The following PRKN variants were observed in gnomAD, a reference collection of about 807,000 sequenced individuals.
PRKN encodes E3 ubiquitin-protein ligase parkin.
PRKN carries 56 observed loss-of-function variants against 59.5 expected under a neutral mutation model. The ratio of observed to expected loss-of-function variants is 0.94; its 90% CI spans 0.76 to 1.18. The LOEUF is 1.18. PRKN is among the 50% of genes most tolerant of loss of function. The pLI, the probability that PRKN is intolerant of heterozygous loss-of-function variation, is 0.00. For missense variants in PRKN, 657 were observed against 596.4 expected (o/e 1.10, Z -1.06); for synonymous variants, 250 against 222.1 (o/e 1.13, Z -1.12).
At position 162,695,815 on chromosome 6, in the gene PRKN, T is replaced by C. The variant is rs543742779; in HGVS notation, c.7+31847A>G. Among the ~76,000 whole-genome samples the C allele has an allele frequency of 3.3e-5, 5 of 152,276 alleles. No homozygotes were observed. The South Asian group carries it at 6.2e-4, about 19-fold the overall frequency. The stretch of plus-strand genomic sequence containing the variant: ...AACTTAAAGAATATTGAAATCATAT[T>C]TGGGAAAATAAAAAGTATCAATAGT... On this transcript the variant is annotated intron_variant, in intron 1 of 11. Coordinates refer to ENST00000366898, the MANE Select transcript of PRKN (RefSeq NM_004562.3).
intron 1 of PRKN, among the ~76,000 whole-genome samples, chr6:162,531,276 T>A (rs563655749): frequency 6.6e-6 from 1 of 152,070 alleles, no homozygotes; most frequent in South Asian, 2.1e-4. Flanking sequence ...GAGAATCTCT[T>A]GTGTAACCGT....
chr6:161,804,796 A>G (rs538593068), intron 6 of PRKN, among the ~76,000 whole-genome samples: 1 of 152,204 alleles, frequency 6.6e-6, no homozygotes, highest in African/African-American at 2.4e-5. Context: ...CAAATTCTAG[A>G]TTCTATTTTC....
At chr6:161,519,188 A>C (rs2223767) in intron 9 of PRKN, among the ~76,000 whole-genome samples, 1,535 of 150,654 alleles carry the variant, frequency 0.01, 19 homozygotes, top group East Asian at 0.028. Flanking sequence ...AAGCTGGGGA[A>C]GTAGGGAGGA....
At chr6:161,605,998 C>T (rs1233932069) in intron 7 of PRKN, among the ~76,000 whole-genome samples, 1 of 152,088 alleles carries the variant, frequency 6.6e-6, no homozygotes, top group Admixed American at 6.5e-5. Context: ...CTTTGGGGGC[C>T]TGTGGTGGTG....
At chr6:161,829,022 T>C (rs1373389128) in intron 6 of PRKN, among the ~76,000 whole-genome samples, 1 of 148,666 alleles carries the variant, frequency 6.7e-6, no homozygotes, top group Non-Finnish European at 1.5e-5. Context: ...AGGTCAGGAG[T>C]TCAAGACCAG....
chr6:162,352,998 C>T (rs533520224), intron 2 of PRKN, among the ~76,000 whole-genome samples: 35 of 152,136 alleles, frequency 2.3e-4, no homozygotes, highest in African/African-American at 7.2e-4. Context: ...TAGAACTTTC[C>T]TATAATTTTC....
intron 7 of PRKN, among the ~76,000 whole-genome samples, chr6:161,585,386 T>C (rs900889636): frequency 1.3e-5 from 2 of 152,210 alleles, no homozygotes; most frequent in Non-Finnish European, 2.9e-5. Flanking sequence ...ATTACAGTTA[T>C]GTCAGAATAA....
intron 6 of PRKN, among the ~76,000 whole-genome samples, chr6:161,954,075 C>T (rs1476925050): frequency 6.6e-6 from 1 of 152,192 alleles, no homozygotes; most frequent in African/African-American, 2.4e-5. Context: ...CATGTAAACA[C>T]AGTTAGCACG....
Position 162,488,028 on chromosome 6 carries a change from T to C in PRKN, c.8-44555A>G, listed in dbSNP as rs928687712. Among the ~76,000 whole-genome samples the C allele has an allele frequency of 1.4e-4, 9 of 64,680 alleles. No individual in the cohort carries two copies. The East Asian group carries it at 1.5e-3, about 11-fold the overall frequency. 42.4% of individuals were successfully genotyped at this position (64,680 alleles called of 152,430 possible). ...ACAGACACTACATCCACCATTTCCC[T>C]TTTTTTTTTTTTTTTTTTTTTTTTG... On this transcript the variant is annotated intron_variant, in intron 1 of 11. Coordinates refer to ENST00000366898, the MANE Select transcript of PRKN (RefSeq NM_004562.3).
intron 7 of PRKN, among the ~76,000 whole-genome samples, chr6:161,683,515 C>G (rs1220265275): frequency 6.6e-6 from 1 of 152,200 alleles, no homozygotes. Flanking sequence ...CTTTCCTCTC[C>G]CCTCAGCTCA....
intron 9 of PRKN, among the ~76,000 whole-genome samples, chr6:161,501,732 C>G (rs776344491): frequency 1.3e-5 from 2 of 152,112 alleles, no homozygotes; most frequent in Non-Finnish European, 2.9e-5. Context: ...GTCATTTGTT[C>G]TCTATAGCAT....
intron 7 of PRKN, among the ~76,000 whole-genome samples, chr6:161,772,154 A>G (rs1328331578): frequency 6.6e-6 from 1 of 152,174 alleles, no homozygotes; most frequent in African/African-American, 2.4e-5. Flanking sequence ...CGGAATCTAC[A>G]GCTAGAACAG....
Position 162,323,201 on chromosome 6 carries a change from C to G in PRKN, c.172-60436G>C, listed in dbSNP as rs1367970979. On this transcript the variant is annotated intron_variant, in intron 2 of 11. Transcript: ENST00000366898. ...ATGTAACTAACCTGCACAATGTGCACATGTACCCTAAAACTTAAAGTATAA... is the reference window on the plus strand; with the variant it reads ...ATGTAACTAACCTGCACAATGTGCAGATGTACCCTAAAACTTAAAGTATAA... 6.0e-5 allele frequency among the ~76,000 whole-genome samples: 9 copies of G among 151,206 alleles called. No homozygotes were observed. In the South Asian group the frequency reaches 1.0e-3, roughly 18 times the overall value.
rs1430555430 is a variant in PRKN, at chr6:161,390,067, T to C, written c.1084-3190A>G. On this transcript the variant is annotated intron_variant, in intron 9 of 11. Transcript: ENST00000366898. This position sits in a 1 kb window ranked among gnomAD's most constrained non-coding sequence, Gnocchi z 7.0. ...GGAGGCACTGGCTAATTTGCTTCTA[T>C]TCAAAGTATAATTTAAATTTAGATC... is the stretch of plus-strand genomic sequence containing the variant. Among the ~76,000 whole-genome samples, 1 of 152,240 alleles carries C rather than the reference T, an allele frequency of 6.6e-6. No homozygotes were observed. Among genetic ancestry groups the C allele is most frequent in the Non-Finnish European group, 1.5e-5 (1 of 68,038 alleles).
intron 2 of PRKN, chr6:162,269,515 C>G (rs1417997983): frequency 1.3e-5 from 2 of 152,228 alleles, no homozygotes; most frequent in Non-Finnish European, 2.9e-5. Flanking sequence ...GTCCACCTCT[C>G]TGTGCTCACG....
At chr6:161,920,825 T>A (rs1778758822) in intron 6 of PRKN, among the ~76,000 whole-genome samples, 1 of 151,682 alleles carries the variant, frequency 6.6e-6, no homozygotes, top group Admixed American at 6.6e-5. Flanking sequence ...AATAGGACAC[T>A]TACTGTGAAT....
intron 1 of PRKN, among the ~76,000 whole-genome samples, chr6:162,691,409 C>A (rs1435998870): frequency 1.3e-5 from 2 of 152,012 alleles, no homozygotes; most frequent in African/African-American, 4.8e-5. Flanking sequence ...TCAGAAAATG[C>A]CAACTTTTTG....
chr6:161,821,139 C>G (rs1350308490), intron 6 of PRKN, among the ~76,000 whole-genome samples: 2 of 151,934 alleles, frequency 1.3e-5, no homozygotes, highest in Non-Finnish European at 2.9e-5. Context: ...TGTAAAAATA[C>G]TAATTATATA....
intron 6 of PRKN, among the ~76,000 whole-genome samples, chr6:161,938,558 T>C (rs1275127033): frequency 6.6e-6 from 1 of 152,176 alleles, no homozygotes; most frequent in Non-Finnish European, 1.5e-5. Context: ...GAGTCCAATA[T>C]TTTTTGTGAT....
Sources: allele counts gnomAD v4.1 joint callset (sites outside exome capture counted in the v4.1 genomes callset), GRCh38; gene constraint gnomAD v4.1.1; non-coding constraint Gnocchi (gnomAD v3.1); transcripts MANE v1.5; gene names NCBI Gene and HGNC (gene_info 2026-07-23, HGNC 2026-07-21).